Variants in ZFPM2 observed in about 807,000 individuals in gnomAD.
ZFPM2 encodes zinc finger protein, FOG family member 2.
A neutral mutation model predicts 98.6 loss-of-function variants in ZFPM2; 20 were observed. That is an observed-to-expected ratio of 0.20 (90% confidence interval 0.14 to 0.29). The LOEUF is 0.29. ZFPM2 is among the 10% of genes least tolerant of loss of function. The pLI is 1.00. For missense variants in ZFPM2, 1,310 were observed against 1,388.6 expected (o/e 0.94, Z 0.90); for synonymous variants, 518 against 502.7 (o/e 1.03, Z -0.41).
chr8:105,419,450 T>A (rs1271967700), intron 2 of ZFPM2, 148 bp downstream of exon 2: 3 of 928,084 alleles, frequency 3.2e-6, no homozygotes, highest in East Asian at 2.8e-5. Flanking sequence ...AAAATTTTAT[T>A]TCGAGGGACA....
intron 5 of ZFPM2, among the ~76,000 whole-genome samples, chr8:105,737,092 C>T (rs898937385): frequency 3.9e-5 from 6 of 151,932 alleles, no homozygotes; most frequent in Non-Finnish European, 7.4e-5. Context: ...CCATCTATGG[C>T]TTTCTTTAGA....
intron 5 of ZFPM2, among the ~76,000 whole-genome samples, chr8:105,684,687 G>A (rs1199177538): frequency 2.0e-5 from 3 of 152,084 alleles, no homozygotes; most frequent in South Asian, 4.1e-4. Context: ...TTTACAGTTA[G>A]AGGAGTGGGA....
intron 4 of ZFPM2, among the ~76,000 whole-genome samples, chr8:105,608,305 C>T (rs60013824): frequency 2.0e-5 from 3 of 151,710 alleles, no homozygotes; most frequent in Non-Finnish European, 2.9e-5. Context: ...AACGTACCCT[C>T]GAATCTAAAA....
At chr8:105,688,056 C>T (rs1424390851) in intron 5 of ZFPM2, among the ~76,000 whole-genome samples, 2 of 151,862 alleles carry the variant, frequency 1.3e-5, no homozygotes, top group Non-Finnish European at 2.9e-5. Flanking sequence ...AAAATGGGTT[C>T]ATGAATAACC....
intron 4 of ZFPM2, among the ~76,000 whole-genome samples, chr8:105,620,218 A>G (rs1816507517): frequency 6.6e-6 from 1 of 152,066 alleles, no homozygotes; most frequent in African/African-American, 2.4e-5. Flanking sequence ...TTTAATGATC[A>G]CCATTCTAAC....
intron 6 of ZFPM2, among the ~76,000 whole-genome samples, chr8:105,791,001 G>T (rs1813592568): frequency 6.6e-6 from 1 of 152,162 alleles, no homozygotes; most frequent in Non-Finnish European, 1.5e-5. Context: ...CTGAGACAGT[G>T]GGGTTTTCTA....
At chr8:105,364,575 C>T (rs1019709173) in intron 1 of ZFPM2, among the ~76,000 whole-genome samples, 6 of 151,794 alleles carry the variant, frequency 4.0e-5, no homozygotes, top group Non-Finnish European at 2.9e-5. Context: ...GACATTTTAA[C>T]CTCCAAACTT....
chr8:105,636,655 A>G (rs771213578), intron 5 of ZFPM2, among the ~76,000 whole-genome samples: 3 of 152,142 alleles, frequency 2.0e-5, no homozygotes, highest in Non-Finnish European at 4.4e-5. Context: ...TGCTACCTGT[A>G]CAAGAAAAGC....
At chr8:105,723,353 G>A (rs1038844090) in intron 5 of ZFPM2, among the ~76,000 whole-genome samples, 14 of 151,740 alleles carry the variant, frequency 9.2e-5, no homozygotes, top group Admixed American at 5.9e-4. Flanking sequence ...ACTTCGTGAC[G>A]TTCTGTGGGA....
At chr8:105,694,371 T>TA (rs1341218664) in intron 5 of ZFPM2, among the ~76,000 whole-genome samples, 2 of 152,120 alleles carry the variant, frequency 1.3e-5, no homozygotes, top group Non-Finnish European at 2.9e-5. Flanking sequence ...AATGCATAAG[T>TA]AAAAAAATCA....
At chr8:105,784,016 A>G (rs754091716) in intron 5 of ZFPM2, among the ~76,000 whole-genome samples, 9 of 152,134 alleles carry the variant, frequency 5.9e-5, no homozygotes, top group African/African-American at 1.2e-4. Flanking sequence ...CAGTTTCTCT[A>G]CATCCTTAAC....
At chr8:105,654,872 G>GAAAATAT (rs1261642490) in intron 5 of ZFPM2, among the ~76,000 whole-genome samples, 1 of 152,134 alleles carries the variant, frequency 6.6e-6, no homozygotes, top group Admixed American at 6.5e-5. Flanking sequence ...AAGAAAATCA[G>GAAAATAT]AAAATATTTT....
chr8:105,363,891 ATTAAC>A (rs1319720020), intron 1 of ZFPM2, among the ~76,000 whole-genome samples: 3 of 152,028 alleles, frequency 2.0e-5, no homozygotes, highest in Admixed American at 6.6e-5. Flanking sequence ...ATTTTCTAAA[ATTAAC>A]TTAATTTATA....
intron 1 of ZFPM2, among the ~76,000 whole-genome samples, chr8:105,330,595 C>CACATATATATAT (rs1241680528): frequency 2.3e-5 from 2 of 88,232 alleles, no homozygotes; most frequent in Non-Finnish European, 4.4e-5. Context: ...TATATATATA[C>CACATATATATAT]ATATATATAT....
intron 4 of ZFPM2, among the ~76,000 whole-genome samples, chr8:105,591,978 T>C (rs1235466176): frequency 6.6e-6 from 1 of 152,184 alleles, no homozygotes; most frequent in Non-Finnish European, 1.5e-5. Flanking sequence ...GGTAAACATT[T>C]TCATTCTGTT....
intron 6 of ZFPM2, among the ~76,000 whole-genome samples, chr8:105,790,726 G>T (rs914305515): frequency 2.0e-5 from 3 of 152,192 alleles, no homozygotes; most frequent in Admixed American, 2.0e-4. Flanking sequence ...CTACCCATGA[G>T]CATGGAGTGT....
intron 3 of ZFPM2, among the ~76,000 whole-genome samples, chr8:105,536,270 T>C (rs894662161): frequency 2.0e-5 from 3 of 152,156 alleles, no homozygotes; most frequent in African/African-American, 7.2e-5. Flanking sequence ...ATATTTATGT[T>C]TTTTTGTCCA....
intron 5 of ZFPM2, among the ~76,000 whole-genome samples, chr8:105,653,411 T>C (rs1284682100): frequency 6.6e-6 from 1 of 152,224 alleles, no homozygotes; most frequent in Non-Finnish European, 1.5e-5. Flanking sequence ...TTTACCTTCA[T>C]TGATACTATG....
chr8:105,322,547 A>T (rs1484884621), intron 1 of ZFPM2, among the ~76,000 whole-genome samples: 2 of 150,618 alleles, frequency 1.3e-5, no homozygotes, highest in African/African-American at 2.4e-5. Context: ...TTATTTTTGT[A>T]TAAGATTAGG....
Sources: allele counts gnomAD v4.1 joint callset (sites outside exome capture counted in the v4.1 genomes callset), GRCh38; gene constraint gnomAD v4.1.1; transcripts MANE v1.5; gene names NCBI Gene and HGNC (gene_info 2026-07-23, HGNC 2026-07-21).